DAB1: variants seen among roughly 807,000 people sequenced by gnomAD.
The protein encoded by DAB1 is DAB adaptor protein 1, also known as disabled homolog 1.
Under a neutral mutation model 64.6 loss-of-function variants are expected in DAB1, and 15 were observed. The ratio of observed to expected loss-of-function variants is 0.23; its 90% CI spans 0.16 to 0.36. The LOEUF (loss-of-function observed/expected upper bound fraction) is 0.36. DAB1 is among the 10% of genes least tolerant of loss of function. The pLI is 1.00. For synonymous variants in DAB1, 235 were observed against 251.9 expected (o/e 0.93, Z 0.64); for missense variants, 596 against 706.7 (o/e 0.84, Z 1.78).
chr1:57,051,935 G>C (rs1649228000), intron 9 of DAB1, among the ~76,000 whole-genome samples: 1 of 152,150 alleles, frequency 6.6e-6, no homozygotes, highest in Admixed American at 6.5e-5. Context: ...AGGAGATGGA[G>C]GGCTGTGCAT....
intron 6 of DAB1, among the ~76,000 whole-genome samples, chr1:57,662,272 C>T (rs974084955): frequency 3.9e-5 from 6 of 152,012 alleles, no homozygotes; most frequent in African/African-American, 7.2e-5. Context: ...CTCGGCTCAC[C>T]GCAACCTCCA....
upstream of DAB1, among the ~76,000 whole-genome samples, chr1:57,887,775 C>G (rs1356352503): frequency 6.6e-6 from 1 of 151,944 alleles, no homozygotes; most frequent in Admixed American, 6.6e-5. Context: ...GAGAAAAATC[C>G]CAAATGAATA....
At chr1:57,214,103 A>G (rs1228338058) in intron 2 of DAB1, among the ~76,000 whole-genome samples, 1 of 152,192 alleles carries the variant, frequency 6.6e-6, no homozygotes, top group Non-Finnish European at 1.5e-5. Flanking sequence ...CAATTTATAA[A>G]GAACAGACAT....
chr1:58,296,665 T>G (rs1270996680), intron 4 of DAB1, among the ~76,000 whole-genome samples: 2 of 152,306 alleles, frequency 1.3e-5, no homozygotes, highest in Admixed American at 1.3e-4. Flanking sequence ...CTAGCTCATT[T>G]CTTCTCTATG....
intron 1 of DAB1, chr1:57,386,546 T>C (rs1439959945): frequency 6.6e-6 from 1 of 152,004 alleles, no homozygotes; most frequent in African/African-American, 2.4e-5. Context: ...ATAGAGCCTG[T>C]CAGGACCAGG....
intron 1 of DAB1, among the ~76,000 whole-genome samples, chr1:57,398,688 A>G (rs1175721432): frequency 6.6e-6 from 1 of 152,198 alleles, no homozygotes; most frequent in Non-Finnish European, 1.5e-5. Context: ...CATGTTTACA[A>G]GTCAGGGGCA....
At chr1:57,866,204 T>A (rs1421170048) in intron 1 of DAB1, 1 of 152,226 alleles carries the variant, frequency 6.6e-6, no homozygotes, top group Non-Finnish European at 1.5e-5. Context: ...ATAATTAGTA[T>A]AGTATTAGCT....
intron 4 of DAB1, among the ~76,000 whole-genome samples, chr1:58,267,461 T>C (rs909892743): frequency 1.3e-5 from 2 of 152,126 alleles, no homozygotes; most frequent in African/African-American, 4.8e-5. Flanking sequence ...ATATCATTCT[T>C]ATAGTTCACG....
At chr1:57,559,780 T>G (rs1645030326) in intron 7 of DAB1, among the ~76,000 whole-genome samples, 1 of 152,116 alleles carries the variant, frequency 6.6e-6, no homozygotes, top group South Asian at 2.1e-4. Context: ...GCCATTATGA[T>G]GGGAAAAGCC....
chr1:57,987,294 T>C (rs939399318), intron 5 of DAB1, among the ~76,000 whole-genome samples: 2 of 152,156 alleles, frequency 1.3e-5, no homozygotes, highest in Non-Finnish European at 1.5e-5. Flanking sequence ...CGGGTTCTAT[T>C]TTCTATAATG....
intron 7 of DAB1, among the ~76,000 whole-genome samples, chr1:57,636,110 AAAACAAAAAC>A (rs1021043372): frequency 2.8e-5 from 4 of 143,038 alleles, no homozygotes; most frequent in African/African-American, 1.2e-4. Context: ...AAAAAAAAAA[AAAACAAAAAC>A]AAAAAACTGG....
At chr1:57,214,608 T>C (rs191878602) in intron 2 of DAB1, among the ~76,000 whole-genome samples, 176 of 152,172 alleles carry the variant, frequency 1.2e-3, no homozygotes, top group African/African-American at 4.1e-3. Context: ...ACTTTCTGTT[T>C]CACCTTAGAA....
rs772873543 is a variant in DAB1 at position 57,015,280 on chromosome 1, G to A, written c.1047C>T (p.Ala349=). 6.2e-7 allele frequency: 1 copy of A among 1,614,148 alleles called. No individual in the cohort carries two copies. The highest frequency in any genetic ancestry group is 2.2e-5 in the East Asian group (1 of 44,870). The change falls in exon 12 of 15, where the codon GCC becomes GCT. Residue 349 remains alanine (A), a synonymous_variant. Transcript: ENST00000371236. ...CCACAGTTGGCCAGGGCTGCTGAGT[G>A]GCAGGAAAGAGACCCGGCTGGCCCC... ...IAWGQPGLFP[A]TQQPWPTVAG... is the part of the protein sequence containing the mutation.
At chr1:58,480,174 G>A (rs1009362013) in intron 3 of DAB1, among the ~76,000 whole-genome samples, 1 of 152,054 alleles carries the variant, frequency 6.6e-6, no homozygotes, top group African/African-American at 2.4e-5. Context: ...GTTGATATCT[G>A]CTGCTCAGGA....
intron 3 of DAB1, among the ~76,000 whole-genome samples, chr1:58,443,651 CTCTG>C (rs1188309264): frequency 6.6e-6 from 1 of 152,156 alleles, no homozygotes; most frequent in Non-Finnish European, 1.5e-5. Flanking sequence ...GGTGAGAACT[CTCTG>C]TACTATTTTT....
intron 4 of DAB1, among the ~76,000 whole-genome samples, chr1:58,198,693 G>A (rs572195250): frequency 6.6e-6 from 1 of 151,970 alleles, no homozygotes; most frequent in Non-Finnish European, 1.5e-5. Context: ...ACAGTTCCTT[G>A]GCTATAGTGA....
intron 2 of DAB1, among the ~76,000 whole-genome samples, chr1:57,242,896 T>C (rs557318637): frequency 2.0e-5 from 3 of 152,338 alleles, no homozygotes; most frequent in South Asian, 4.1e-4. Flanking sequence ...AGAGCCACTA[T>C]TCTAAATGCA....
chr1:57,224,016 T>C (rs1416524729), intron 2 of DAB1, among the ~76,000 whole-genome samples: 1 of 152,220 alleles, frequency 6.6e-6, no homozygotes, highest in Non-Finnish European at 1.5e-5. Flanking sequence ...GATTCCTTTG[T>C]TGCCCTTCCA....
chr1:57,300,137 G>C (rs963435521), intron 1 of DAB1, among the ~76,000 whole-genome samples: 2 of 152,108 alleles, frequency 1.3e-5, no homozygotes, highest in Non-Finnish European at 2.9e-5. Flanking sequence ...GTATTGGCTG[G>C]CAACAAATAT....
Sources: gnomAD v4.1 joint callset for allele counts (sites outside exome capture counted in the v4.1 genomes callset) on GRCh38, gnomAD v4.1.1 for gene constraint, MANE v1.5 for transcripts, NCBI Gene and HGNC (gene_info 2026-07-23, HGNC 2026-07-21) for gene names.